Variants in NAV2 observed in about 807,000 individuals in gnomAD.
NAV2 encodes the protein helicase, APC down-regulated 1.
Under a neutral mutation model 223.2 loss-of-function variants are expected in NAV2, and 54 were observed. That is an observed-to-expected ratio of 0.24 (90% CI 0.19 to 0.30). The LOEUF is 0.30. Among genes scored for constraint, NAV2 ranks in the 10% least tolerant of loss-of-function variants. The pLI, the probability that NAV2 is intolerant of heterozygous loss-of-function variation, is 1.00. For synonymous variants in NAV2, 1,279 were observed against 1,239.3 expected (o/e 1.03, Z -0.67); for missense variants, 2,806 against 3,147.5 (o/e 0.89, Z 2.60).
chr11:19,551,501 C>G (rs1470826927), intron 1 of NAV2, among the ~76,000 whole-genome samples: 1 of 152,194 alleles, frequency 6.6e-6, no homozygotes, highest in Non-Finnish European at 1.5e-5. Context: ...CCCTGATCCA[C>G]TTGCACCCCT....
rs1207030094 is a variant in NAV2, at chr11:19,777,805, C to T, written c.268-54679C>T. 5 of 451,984 alleles carry T rather than the reference C, an allele frequency of 1.1e-5. No homozygotes were observed. In the East Asian group the frequency reaches 2.8e-4, roughly 25 times the overall value. The allele number at this position is 451,984 out of a possible 1,614,324, so 28.0% of individuals were successfully genotyped here. On this transcript the variant is annotated intron_variant, in intron 1 of 37. Coordinates refer to ENST00000349880, the MANE Select transcript of NAV2 (RefSeq NM_145117.5). ...TCCACCTACGAATTCCTGGAGCTCTCTTGGATTGCACACGCTGGGATTGTC... is the reference window on the plus strand; with the variant it reads ...TCCACCTACGAATTCCTGGAGCTCTTTTGGATTGCACACGCTGGGATTGTC...
chr11:19,588,051 T>G (rs1289637925), intron 1 of NAV2, among the ~76,000 whole-genome samples: 1 of 152,220 alleles, frequency 6.6e-6, no homozygotes, highest in Non-Finnish European at 1.5e-5. Flanking sequence ...TAATAGGTGC[T>G]CAGTAAATGT....
intron 37 of NAV2, among the ~76,000 whole-genome samples, chr11:20,116,717 A>G (rs1029049993): frequency 2.6e-5 from 4 of 152,214 alleles, no homozygotes; most frequent in Admixed American, 2.6e-4. Context: ...CCAGGCCCCC[A>G]GAAGTGAGCT....
At chr11:19,758,411 A>G (rs2054415812) in intron 1 of NAV2, among the ~76,000 whole-genome samples, 1 of 152,212 alleles carries the variant, frequency 6.6e-6, no homozygotes, top group Admixed American at 6.5e-5. Context: ...ATGTATGGGC[A>G]GTAGAGAGGG....
intron 10 of NAV2, among the ~76,000 whole-genome samples, chr11:19,955,514 T>C (rs1224615896): frequency 4.6e-5 from 7 of 152,358 alleles, no homozygotes; most frequent in African/African-American, 1.7e-4. Flanking sequence ...TAGCCACATG[T>C]CTTTCTTCTT....
rs773507338 is a variant in NAV2 at position 20,105,604 on chromosome 11, G to A, written c.6718G>A (p.Glu2240Lys). Reference sequence around the variant, plus strand: ...CCGATTCCTGAGGAGGAAGCTCATGGAAACAGAGATCAGTGGGCGGGTGCG... The same window carrying A: ...CCGATTCCTGAGGAGGAAGCTCATGAAAACAGAGATCAGTGGGCGGGTGCG... ...LGRFLRRKLM[E>K]TEISGRVRNM... The change falls in exon 35 of 38, where the codon GAA becomes AAA. Residue 2240 changes from glutamate (E) to lysine (K), a missense_variant. Glu to Lys is a moderately conservative substitution (Grantham distance 56). Transcript: ENST00000349880. 1.9e-6 allele frequency: 3 copies of A among 1,613,982 alleles called. No homozygotes were observed. Among genetic ancestry groups the A allele is most frequent in the Admixed American group, 1.7e-5 (1 of 59,998 alleles).
intron 28 of NAV2, 86 bp downstream of exon 28, chr11:20,092,454 C>A: frequency 7.1e-7 from 1 of 1,401,620 alleles, no homozygotes; most frequent in Non-Finnish European, 9.8e-7. Context: ...ATAAGCAGAT[C>A]AACAGATCAA....
intron 5 of NAV2, among the ~76,000 whole-genome samples, chr11:19,882,147 T>C (rs1288018797): frequency 1.3e-5 from 2 of 152,170 alleles, no homozygotes; most frequent in Admixed American, 6.5e-5. Context: ...AAATCCACCT[T>C]TGCTTCTCTT....
intron 11 of NAV2, chr11:20,022,656 T>C: frequency 1.0e-6 from 1 of 992,398 alleles, no homozygotes; most frequent in Non-Finnish European, 1.2e-6. Flanking sequence ...CACTTAGGGC[T>C]GGAAAGACTT....
chr11:19,834,842 T>C (rs1345398091), intron 2 of NAV2, among the ~76,000 whole-genome samples: 1 of 152,244 alleles, frequency 6.6e-6, no homozygotes, highest in African/African-American at 2.4e-5. Flanking sequence ...AAAATGAGGA[T>C]ATTCATGCTT....
intron 1 of NAV2, among the ~76,000 whole-genome samples, chr11:19,475,210 G>A (rs962906937): frequency 6.6e-6 from 1 of 152,214 alleles, no homozygotes; most frequent in Admixed American, 6.5e-5. Context: ...TATGAGCAAC[G>A]GCGTGTGTAG....
intron 1 of NAV2, among the ~76,000 whole-genome samples, chr11:19,501,063 CCTTTGTTCATGG>C (rs1465961352): frequency 1.3e-5 from 2 of 152,180 alleles, no homozygotes; most frequent in East Asian, 3.8e-4. Flanking sequence ...TGCCCACATT[CCTTTGTTCATGG>C]CTCCTCCTTC....
chr11:20,076,775 A>T (rs1177054370), intron 22 of NAV2, among the ~76,000 whole-genome samples: 1 of 152,206 alleles, frequency 6.6e-6, no homozygotes, highest in Non-Finnish European at 1.5e-5. Context: ...TTTGTATTTT[A>T]ACATCTCTGA....
At chr11:19,935,715 C>T (rs1474175731) in intron 7 of NAV2, among the ~76,000 whole-genome samples, 1 of 151,878 alleles carries the variant, frequency 6.6e-6, no homozygotes, top group Non-Finnish European at 1.5e-5. Context: ...AGGGTCATAC[C>T]AATCTTTTTA....
At chr11:19,475,494 A>G (rs1316355705) in intron 1 of NAV2, among the ~76,000 whole-genome samples, 2 of 152,248 alleles carry the variant, frequency 1.3e-5, no homozygotes, top group African/African-American at 2.4e-5. Context: ...TCACAGGACA[A>G]TGGTCTATTT....
chr11:19,916,715 T>C (rs1467113777), intron 6 of NAV2, among the ~76,000 whole-genome samples: 3 of 152,218 alleles, frequency 2.0e-5, no homozygotes, highest in Non-Finnish European at 4.4e-5. Context: ...ACAATAAATA[T>C]TTTGGACTTC....
At chr11:19,601,322 T>C (rs2046344275) in intron 1 of NAV2, among the ~76,000 whole-genome samples, 1 of 152,182 alleles carries the variant, frequency 6.6e-6, no homozygotes, top group Admixed American at 6.5e-5. Context: ...TTCTGCCTGG[T>C]CCAGTGATCA....
intron 1 of NAV2, among the ~76,000 whole-genome samples, chr11:19,741,687 GTATATATATATATATATATATATA>G (rs1156844957): frequency 2.4e-4 from 5 of 21,058 alleles, no homozygotes; most frequent in Non-Finnish European, 3.8e-4. Flanking sequence ...GTGTGTGTGT[GTATATATATATATATATATATATA>G]TATATATATA....
At chr11:19,635,120 G>A (rs566967401) in intron 1 of NAV2, among the ~76,000 whole-genome samples, 1 of 152,132 alleles carries the variant, frequency 6.6e-6, no homozygotes, top group Non-Finnish European at 1.5e-5. Context: ...TTCTAGCCAT[G>A]TCCCCAGGAG....
Sources: gnomAD v4.1 joint callset for allele counts (sites outside exome capture counted in the v4.1 genomes callset) on GRCh38, gnomAD v4.1.1 for gene constraint, MANE v1.5 for transcripts, NCBI Gene and HGNC (gene_info 2026-07-23, HGNC 2026-07-21) for gene names.